GLIS3: variants seen among roughly 807,000 people sequenced by gnomAD.
The protein encoded by GLIS3 is zinc finger protein GLIS3.
In GLIS3, 53 loss-of-function variants were observed where a neutral mutation model predicts 78.6. That is an observed-to-expected ratio of 0.67 (90% CI 0.54 to 0.85). GLIS3 has a LOEUF of 0.85. GLIS3 is among the 40% of genes least tolerant of loss of function. The probability of loss-of-function intolerance (pLI) is 0.00; values close to 1 mark genes in which losing one functional copy is unlikely to be tolerated. For missense variants in GLIS3, 1,703 were observed against 1,231.1 expected, an observed-to-expected ratio of 1.38 and a Z score of -5.74; for synonymous variants, 684 against 509.9, an observed-to-expected ratio of 1.34 and a Z score of -4.60.
intron 9 of GLIS3, among the ~76,000 whole-genome samples, chr9:3,838,668 A>G (rs1470760069): frequency 6.6e-6 from 1 of 152,180 alleles, no homozygotes; most frequent in African/African-American, 2.4e-5. Context: ...AAAGCTCTCA[A>G]TCACTAATGG....
At chr9:4,175,123 T>C (rs543846211) in intron 2 of GLIS3, among the ~76,000 whole-genome samples, 8 of 152,350 alleles carry the variant, frequency 5.3e-5, no homozygotes, top group African/African-American at 1.9e-4. Context: ...TCCAGGACTT[T>C]CTGAATGGTC....
At chr9:4,187,518 T>C (rs1170395758) in intron 2 of GLIS3, among the ~76,000 whole-genome samples, 1 of 152,196 alleles carries the variant, frequency 6.6e-6, no homozygotes, top group Admixed American at 6.5e-5. Flanking sequence ...AGTAGTTTTT[T>C]CCAATTCTGT....
rs141905278 is a variant in GLIS3, at chr9:4,333,137, C to A, written n.264+13944G>T. Reference sequence around the variant, plus strand: ...TGCTGCACTCTTATAGTCCTAGCTACTCAGAAGGCTGAAGCAGGAGGATTG... The same window carrying A: ...TGCTGCACTCTTATAGTCCTAGCTAATCAGAAGGCTGAAGCAGGAGGATTG... On this transcript the variant is annotated intron_variant and non_coding_transcript_variant, in intron 2 of 4. Coordinates refer to the GLIS3 transcript ENST00000471664. Among the ~76,000 whole-genome samples, 688 of 152,094 alleles carry A rather than the reference C, an allele frequency of 4.5e-3. 7 individuals are homozygous for A. The highest frequency in any genetic ancestry group is 7.0e-3 in the Non-Finnish European group (476 of 68,010).
intron 4 of GLIS3, among the ~76,000 whole-genome samples, chr9:4,050,524 C>A (rs776739920): frequency 3.3e-5 from 5 of 151,970 alleles, no homozygotes; most frequent in African/African-American, 9.7e-5. Context: ...TGCAGCAAGC[C>A]AACATGGCAC....
intron 2 of GLIS3, among the ~76,000 whole-genome samples, chr9:4,232,204 T>G (rs1265427389): frequency 2.0e-5 from 3 of 151,806 alleles, no homozygotes; most frequent in African/African-American, 7.3e-5. Context: ...ATAGCAAGAT[T>G]CTGTCTCTAC....
chr9:4,083,846 T>C (rs916878520), intron 4 of GLIS3, among the ~76,000 whole-genome samples: 3 of 152,212 alleles, frequency 2.0e-5, no homozygotes, highest in African/African-American at 7.2e-5. Flanking sequence ...TATGTACCAT[T>C]TGCTTACATC....
At chr9:4,285,653 C>G (rs1827923001) in intron 2 of GLIS3, 1 of 203,898 alleles carries the variant, frequency 4.9e-6, no homozygotes, top group South Asian at 1.1e-4. Context: ...TCCAGTCGGT[C>G]TTCTTGTCCA....
intron 4 of GLIS3, among the ~76,000 whole-genome samples, chr9:4,043,596 G>A (rs943148316): frequency 6.6e-6 from 1 of 152,116 alleles, no homozygotes; most frequent in African/African-American, 2.4e-5. Context: ...TTATTGGAGG[G>A]CTGGGGAGGT....
the GLIS3 span, among the ~76,000 whole-genome samples, chr9:4,446,056 T>A: frequency 6.6e-6 from 1 of 152,208 alleles, no homozygotes; most frequent in Non-Finnish European, 1.5e-5. Flanking sequence ...TTCAAGATAA[T>A]GGTGTGTTGC....
chr9:4,240,948 TG>T (rs1212029137), intron 2 of GLIS3, among the ~76,000 whole-genome samples: 1 of 6,844 alleles, frequency 1.5e-4, no homozygotes, highest in Non-Finnish European at 2.6e-4. Flanking sequence ...TAAGAAAATA[TG>T]TATGAGTGTG....
intron 4 of GLIS3, among the ~76,000 whole-genome samples, chr9:4,078,803 TGAA>T (rs1828295257): frequency 6.6e-6 from 1 of 152,178 alleles, no homozygotes; most frequent in Non-Finnish European, 1.5e-5. Flanking sequence ...TTTCTTTCAG[TGAA>T]ACTACTATGA....
the GLIS3 span, among the ~76,000 whole-genome samples, chr9:4,441,126 A>G: frequency 6.6e-6 from 1 of 152,066 alleles, no homozygotes; most frequent in Non-Finnish European, 1.5e-5. Flanking sequence ...CCTCCTTTCC[A>G]ATTTGGATAC....
chr9:4,124,267 T>C (rs989211118), intron 3 of GLIS3, among the ~76,000 whole-genome samples: 2 of 152,198 alleles, frequency 1.3e-5, no homozygotes, highest in African/African-American at 2.4e-5. Context: ...CGTTAAGGTG[T>C]TGTCTTTTAA....
chr9:4,076,240 T>C (rs1233428678), intron 4 of GLIS3, among the ~76,000 whole-genome samples: 1 of 152,136 alleles, frequency 6.6e-6, no homozygotes, highest in East Asian at 1.9e-4. Flanking sequence ...AATCTCCATG[T>C]GAAAAAAATA....
chr9:4,099,228 G>C (rs144653700), intron 4 of GLIS3, among the ~76,000 whole-genome samples: 78 of 152,306 alleles, frequency 5.1e-4, no homozygotes, highest in African/African-American at 1.8e-3. Flanking sequence ...TTAATGGGTG[G>C]CTTAAAATAA....
At chr9:4,181,348 C>A (rs548062309) in intron 2 of GLIS3, among the ~76,000 whole-genome samples, 7 of 152,346 alleles carry the variant, frequency 4.6e-5, no homozygotes, top group African/African-American at 1.7e-4. Context: ...CCACTTGGCT[C>A]CCTTTCCTAC....
At chr9:3,932,149 T>C (rs914592067) in intron 6 of GLIS3, among the ~76,000 whole-genome samples, 1 of 122,226 alleles carries the variant, frequency 8.2e-6, no homozygotes, top group African/African-American at 2.6e-5. Flanking sequence ...ATGCAAACCA[T>C]AGCCATATCA....
At chr9:4,091,942 A>G (rs1252402174) in intron 4 of GLIS3, among the ~76,000 whole-genome samples, 1 of 152,156 alleles carries the variant, frequency 6.6e-6, no homozygotes, top group Admixed American at 6.5e-5. Context: ...ATAAAAAAAA[A>G]TGATACACTT....
chr9:4,467,787 T>C, the GLIS3 span, among the ~76,000 whole-genome samples: 1 of 152,268 alleles, frequency 6.6e-6, no homozygotes, highest in Non-Finnish European at 1.5e-5. Context: ...GGAGAACGAC[T>C]CTGACGAGTT....
Sources: gnomAD v4.1 joint callset for allele counts (sites outside exome capture counted in the v4.1 genomes callset) on GRCh38, gnomAD v4.1.1 for gene constraint, MANE v1.5 for transcripts, NCBI Gene and HGNC (gene_info 2026-07-23, HGNC 2026-07-21) for gene names.